Variants in IQCK observed in about 807,000 individuals in gnomAD.
The protein encoded by IQCK is IQ domain-containing protein K.
In IQCK, 29 loss-of-function variants were observed where a neutral mutation model predicts 28.1. That is an observed-to-expected ratio of 1.03 (90% CI 0.77 to 1.41). The LOEUF (loss-of-function observed/expected upper bound fraction) is 1.41. IQCK is among the 40% of genes most tolerant of loss of function. The pLI is 0.00. For synonymous variants in IQCK, 113 were observed against 115.1 expected (o/e 0.98, Z 0.12); for missense variants, 359 against 314.7 (o/e 1.14, Z -1.07).
At chr16:19,812,875 G>A (rs2055927063) in intron 7 of IQCK, among the ~76,000 whole-genome samples, 1 of 152,236 alleles carries the variant, frequency 6.6e-6, no homozygotes. Flanking sequence ...AAAAACTTAA[G>A]TGCATCCTCT....
At chr16:19,850,050 G>A (rs2056463152) in intron 9 of IQCK, among the ~76,000 whole-genome samples, 1 of 152,114 alleles carries the variant, frequency 6.6e-6, no homozygotes, top group Admixed American at 6.5e-5. Context: ...TGTTTTTATG[G>A]CTTCATTATA....
At chr16:19,838,450 G>T (rs577871790) in intron 9 of IQCK, among the ~76,000 whole-genome samples, 1 of 152,094 alleles carries the variant, frequency 6.6e-6, no homozygotes, top group Non-Finnish European at 1.5e-5. Context: ...CTGGAAGGAG[G>T]CTCCTCCTGT....
At chr16:19,741,758 G>A (rs1314239466) in intron 4 of IQCK, among the ~76,000 whole-genome samples, 2 of 152,138 alleles carry the variant, frequency 1.3e-5, no homozygotes, top group African/African-American at 4.8e-5. Flanking sequence ...AGGCCGAGGC[G>A]GGAGGATTGC....
rs148571774 is a variant in IQCK, at chr16:19,825,489, C to T, written c.691-1537C>T. On this transcript the variant is annotated intron_variant, in intron 7 of 7. Coordinates refer to ENST00000564186, the Ensembl canonical transcript of IQCK. This position sits in a 1 kb window ranked among gnomAD's most constrained non-coding sequence, Gnocchi z 4.2. ...GAGCTGAGATTGCACCATTGCACTCCAGCCTGGGCAGCAAGAACGAAACTC... is the reference window on the plus strand; with the variant it reads ...GAGCTGAGATTGCACCATTGCACTCTAGCCTGGGCAGCAAGAACGAAACTC... Among the ~76,000 whole-genome samples the T allele has an allele frequency of 2.1e-3, 315 of 151,358 alleles. 2 individuals are homozygous for T. Among genetic ancestry groups the T allele is most frequent in the Middle Eastern group, 0.01 (3 of 294 alleles).
intron 9 of IQCK, among the ~76,000 whole-genome samples, chr16:19,850,757 G>A (rs1168050575): frequency 1.3e-5 from 2 of 152,142 alleles, no homozygotes; most frequent in African/African-American, 4.8e-5. Context: ...GCTCACACCT[G>A]TGACCCTATC....
In IQCK at chr16:19,761,353, A is replaced by G. The variant is rs376321637; in HGVS notation, c.475-2495A>G. 42 of 454,426 alleles carry G rather than the reference A, an allele frequency of 9.2e-5. No individual in the cohort carries two copies. In the East Asian group the frequency reaches 1.2e-3, roughly 13 times the overall value. 28.1% of individuals were successfully genotyped at this position (454,426 alleles called of 1,614,324 possible). A position where few individuals can be genotyped will look rare whatever the true frequency, so the allele number is the denominator to read the frequency against. ...CTCTGGTCTCCTGCTGGTACCACCC[A>G]TAGGATGGACCTATCTGGAGGGTAC... On this transcript the variant is annotated intron_variant, in intron 4 of 7. Coordinates refer to ENST00000564186, the Ensembl canonical transcript of IQCK.
intron 7 of IQCK, among the ~76,000 whole-genome samples, chr16:19,796,798 C>T (rs920681178): frequency 9.1e-6 from 1 of 109,476 alleles, no homozygotes; most frequent in Non-Finnish European, 1.6e-5. Flanking sequence ...ATTCAGAATT[C>T]GAGTCTAGTG....
chr16:19,758,992 T>A (rs1010456053), intron 4 of IQCK, among the ~76,000 whole-genome samples: 5 of 152,014 alleles, frequency 3.3e-5, no homozygotes, highest in African/African-American at 1.2e-4. Flanking sequence ...AGAAAAAAAA[T>A]TATGGAAACA....
At chr16:19,749,374 G>A (rs942975359) in intron 4 of IQCK, among the ~76,000 whole-genome samples, 2 of 152,246 alleles carry the variant, frequency 1.3e-5, no homozygotes, top group South Asian at 2.1e-4. Flanking sequence ...AGCTATGCCC[G>A]TTCCTCTACC....
intron 4 of IQCK, among the ~76,000 whole-genome samples, chr16:19,750,357 T>A (rs1401969962): frequency 6.7e-6 from 1 of 149,402 alleles, no homozygotes. Flanking sequence ...GAACTCCTGA[T>A]CTCAAGTGAT....
chr16:19,731,493 C>T (rs187370209), intron 2 of IQCK, among the ~76,000 whole-genome samples: 55 of 152,304 alleles, frequency 3.6e-4, no homozygotes, highest in Non-Finnish European at 2.4e-4. Context: ...TTTATGGACG[C>T]AATTCTTTCT....
chr16:19,848,413 G>A (rs1406866391), intron 9 of IQCK, among the ~76,000 whole-genome samples: 2 of 152,130 alleles, frequency 1.3e-5, no homozygotes, highest in African/African-American at 4.8e-5. Context: ...CATCCACATT[G>A]GCTTCTTCTG....
intron 2 of IQCK, among the ~76,000 whole-genome samples, chr16:19,732,409 T>C (rs1178927982): frequency 6.6e-6 from 1 of 152,196 alleles, no homozygotes; most frequent in East Asian, 1.9e-4. Flanking sequence ...CTGGCCGACT[T>C]TTCTTCAGGG....
chr16:19,757,597 G>C (rs1567544989), intron 4 of IQCK, among the ~76,000 whole-genome samples: 1 of 152,190 alleles, frequency 6.6e-6, no homozygotes, highest in Non-Finnish European at 1.5e-5. Flanking sequence ...TTGAACCCAG[G>C]TGGTGGAGGT....
At chr16:19,798,505 CTTT>C (rs1349411857) in intron 7 of IQCK, among the ~76,000 whole-genome samples, 3 of 92,970 alleles carry the variant, frequency 3.2e-5, no homozygotes, top group Admixed American at 1.0e-4. Context: ...AATATGCAGA[CTTT>C]TTATTACTGG....
intron 7 of IQCK, 131 bp from the exon 8 acceptor site, chr16:19,826,895 T>C: frequency 3.0e-6 from 2 of 672,436 alleles, no homozygotes; most frequent in South Asian, 3.6e-5. Context: ...CAATAATTCA[T>C]TTAGGACGAT....
intron 4 of IQCK, among the ~76,000 whole-genome samples, chr16:19,760,161 A>G (rs2055116760): frequency 6.6e-6 from 1 of 152,204 alleles, no homozygotes; most frequent in South Asian, 2.1e-4. Flanking sequence ...TAAAAAGACA[A>G]TGAGAATGCT....
At chr16:19,785,060 G>A (rs916916720) in intron 6 of IQCK, among the ~76,000 whole-genome samples, 4 of 152,254 alleles carry the variant, frequency 2.6e-5, no homozygotes, top group African/African-American at 4.8e-5. Flanking sequence ...CATGAGCCAC[G>A]GCGCCCCGCC....
intron 1 of IQCK, among the ~76,000 whole-genome samples, chr16:19,722,000 C>T (rs1034346669): frequency 6.6e-6 from 1 of 152,162 alleles, no homozygotes; most frequent in Non-Finnish European, 1.5e-5. Context: ...AAAATCTGGC[C>T]TTTCATTTCA....
Sources: gnomAD v4.1 joint callset for allele counts (sites outside exome capture counted in the v4.1 genomes callset) on GRCh38, gnomAD v4.1.1 for gene constraint, Gnocchi (gnomAD v3.1) non-coding constraint, MANE v1.5 for transcripts, NCBI Gene and HGNC (gene_info 2026-07-23, HGNC 2026-07-21) for gene names.